The following DRC4 variants were observed in gnomAD, a reference collection of about 807,000 sequenced individuals.
The protein encoded by DRC4 is GAS-11.
At chr16:90,036,440 A>G in the DRC4 span, 2 of 1,613,568 alleles carry the variant, frequency 1.2e-6, no homozygotes, top group Admixed American at 1.7e-5. Context: ...CGACTTGCGG[A>G]GAAAGACTGA....
chr16:90,031,915 G>A, the DRC4 span, among the ~76,000 whole-genome samples: 1 of 152,118 alleles, frequency 6.6e-6, no homozygotes, highest in Non-Finnish European at 1.5e-5. Flanking sequence ...GTGAGGAGGC[G>A]TGGCCAGGTG....
the DRC4 span, chr16:90,031,087 T>C: frequency 8.9e-7 from 1 of 1,123,636 alleles, no homozygotes; most frequent in Non-Finnish European, 1.2e-6. Context: ...TTTATGATTA[T>C]TGGCCAAATT....
At chr16:90,034,565 T>A in the DRC4 span, among the ~76,000 whole-genome samples, 1 of 152,104 alleles carries the variant, frequency 6.6e-6, no homozygotes, top group Non-Finnish European at 1.5e-5. Flanking sequence ...GAGGTTGCGG[T>A]GAGCCGAGAT....
the DRC4 span, chr16:90,032,766 C>T: frequency 3.7e-6 from 6 of 1,613,822 alleles, no homozygotes; most frequent in East Asian, 4.5e-5. Flanking sequence ...CCAGAACAAC[C>T]TGACAGAGAT....
chr16:90,037,516 T>G, the DRC4 span: 1 of 1,206,356 alleles, frequency 8.3e-7, no homozygotes, highest in Non-Finnish European at 1.2e-6. Flanking sequence ...CGGGGAGGCC[T>G]GCATTTCTCC....
the DRC4 span, chr16:90,031,203 C>A: frequency 6.4e-7 from 1 of 1,573,670 alleles, no homozygotes. Flanking sequence ...AAGTTGAGTC[C>A]TCCCTCTTTC....
the DRC4 span, chr16:90,020,217 C>CT: frequency 2.1e-6 from 1 of 466,780 alleles, no homozygotes; most frequent in South Asian, 3.7e-5. Flanking sequence ...TGACTCATGC[C>CT]TGTAATCCCA....
At chr16:90,042,527 G>T in the DRC4 span, 1 of 1,613,596 alleles carries the variant, frequency 6.2e-7, no homozygotes, top group Non-Finnish European at 8.5e-7. Flanking sequence ...GCTGGCCCAG[G>T]TCTGTAAGGT....
At chr16:90,043,154 C>T in the DRC4 span, 18 of 1,578,224 alleles carry the variant, frequency 1.1e-5, no homozygotes, top group Admixed American at 3.4e-5. Context: ...TGGTCCTGAG[C>T]GTGGGGACCC....
chr16:90,034,397 G>T, the DRC4 span, among the ~76,000 whole-genome samples: 3 of 152,190 alleles, frequency 2.0e-5, no homozygotes, highest in Non-Finnish European at 4.4e-5. Context: ...GCCGAGGAGG[G>T]TGTATCACGA....
chr16:90,037,295 G>A, the DRC4 span: 2 of 1,613,976 alleles, frequency 1.2e-6, no homozygotes, highest in Non-Finnish European at 1.7e-6. Context: ...AGAGGTGTCT[G>A]GGCAGAACAA....
the DRC4 span, chr16:90,039,851 C>T: frequency 1.8e-5 from 4 of 225,802 alleles, no homozygotes; most frequent in South Asian, 3.0e-4. Context: ...GCGGACAGCA[C>T]ATGTGATGCC....
the DRC4 span, chr16:90,039,767 G>A: frequency 5.7e-6 from 1 of 175,016 alleles, no homozygotes; most frequent in Non-Finnish European, 1.3e-5. Context: ...AGAATTAGGA[G>A]ATAAAAAAGA....
the DRC4 span, chr16:90,037,643 C>G: frequency 9.1e-7 from 1 of 1,096,730 alleles, no homozygotes; most frequent in South Asian, 1.4e-5. Flanking sequence ...TGCTTGTGTC[C>G]TGGAACCAGG....
At chr16:90,031,621 T>G in the DRC4 span, 332 of 1,068,162 alleles carry the variant, frequency 3.1e-4, 1 homozygote, top group African/African-American at 4.5e-3. Flanking sequence ...CTTAAAGGTG[T>G]TTTTTATAAA....
chr16:90,042,575 G>A, the DRC4 span: 1,013 of 1,561,020 alleles, frequency 6.5e-4, 1 homozygote, highest in Admixed American at 9.0e-4. Context: ...GCACCCCCTC[G>A]GTGCCCAGAC....
chr16:90,037,881 G>A, the DRC4 span: 27 of 1,589,444 alleles, frequency 1.7e-5, no homozygotes, highest in African/African-American at 2.3e-4. Flanking sequence ...TGCAGTTGGC[G>A]GTGGGTGTTA....
the DRC4 span, among the ~76,000 whole-genome samples, chr16:90,030,424 T>G: frequency 6.6e-6 from 1 of 152,146 alleles, no homozygotes; most frequent in African/African-American, 2.4e-5. Flanking sequence ...CACGGCAGCC[T>G]TGACCTCCCA....
the DRC4 span, chr16:90,029,854 T>G: frequency 1.8e-5 from 3 of 165,440 alleles, no homozygotes; most frequent in Non-Finnish European, 4.2e-5. Context: ...CCTCCTGGGT[T>G]CACACCATCC....
Sources: allele counts gnomAD v4.1 joint callset (sites outside exome capture counted in the v4.1 genomes callset), GRCh38; gene constraint gnomAD v4.1.1; transcripts MANE v1.5; gene names NCBI Gene and HGNC (gene_info 2026-07-23, HGNC 2026-07-21).